The following TBC1D22A variants were observed in gnomAD, a reference collection of about 807,000 sequenced individuals.
TBC1D22A encodes the protein putative GTPase activator.
A neutral mutation model predicts 60.2 loss-of-function variants in TBC1D22A; 38 were observed. That is an observed-to-expected ratio of 0.63 (90% CI 0.49 to 0.83). The LOEUF (loss-of-function observed/expected upper bound fraction) is 0.83, where lower values mean the gene tolerates loss of function less well. Ranked by LOEUF, TBC1D22A falls within the 40% of genes least tolerant of loss-of-function variation. The probability of loss-of-function intolerance (pLI) is 0.00; values close to 1 mark genes in which losing one functional copy is unlikely to be tolerated. For synonymous variants in TBC1D22A, 302 were observed against 281.7 expected (o/e 1.07, Z -0.72); for missense variants, 628 against 701.0 (o/e 0.90, Z 1.18).
intron 8 of TBC1D22A, among the ~76,000 whole-genome samples, chr22:46,949,176 C>G (rs550612076): frequency 1.2e-4 from 19 of 152,116 alleles, no homozygotes; most frequent in African/African-American, 4.6e-4. Context: ...TTTTTGAGTC[C>G]TGTCTTCACA....
At chr22:47,145,180 CT>C (rs2067244439) in intron 12 of TBC1D22A, among the ~76,000 whole-genome samples, 1 of 152,228 alleles carries the variant, frequency 6.6e-6, no homozygotes, top group African/African-American at 2.4e-5. Flanking sequence ...AGACCTAGCC[CT>C]GGATCCCCAC....
intron 4 of TBC1D22A, among the ~76,000 whole-genome samples, chr22:46,846,961 C>T (rs767169775): frequency 9.9e-5 from 15 of 152,198 alleles, no homozygotes; most frequent in Non-Finnish European, 1.8e-4. Flanking sequence ...CTGGTGCCGT[C>T]GAGAGACTGT....
chr22:46,768,968 T>C (rs809034), intron 1 of TBC1D22A, among the ~76,000 whole-genome samples: 104,747 of 151,538 alleles, frequency 0.69, 36,473 homozygotes, highest in Middle Eastern at 0.79. Context: ...GTGGCAGGCA[T>C]CTATAATCCC....
intron 11 of TBC1D22A, among the ~76,000 whole-genome samples, chr22:47,077,485 T>A (rs2064272014): frequency 6.6e-6 from 1 of 152,218 alleles, no homozygotes; most frequent in Non-Finnish European, 1.5e-5. Flanking sequence ...CCCGCCCTAT[T>A]GGAAGTGGTT....
At chr22:46,853,013 G>T (rs1486654387) in intron 4 of TBC1D22A, among the ~76,000 whole-genome samples, 1 of 152,220 alleles carries the variant, frequency 6.6e-6, no homozygotes, top group East Asian at 1.9e-4. Flanking sequence ...TGCTGCTTCT[G>T]TTGGGAGCAC....
rs1279652456 is a variant in TBC1D22A, at chr22:46,777,417, A to T, written c.62+14569A>T. Among the ~76,000 whole-genome samples the T allele has an allele frequency of 6.6e-6, 1 of 152,008 alleles. No homozygotes were observed. The highest frequency in any genetic ancestry group is 1.5e-5 in the Non-Finnish European group (1 of 67,990). ...AGGAGTGGCCGGTGGGGCACAGCTG[A>T]TTTTTTGGGGGAACCCGTTGACGTG... On this transcript the variant is annotated intron_variant, in intron 1 of 12. Coordinates refer to ENST00000337137, the MANE Select transcript of TBC1D22A (RefSeq NM_014346.5). This position sits in a 1 kb window ranked among gnomAD's most constrained non-coding sequence, Gnocchi z 4.5.
rs10549216 is a variant in TBC1D22A at position 47,083,348 on chromosome 22, G to GACAC, written c.1330-28129_1330-28126dup. ...TGTTGAAATCTAGAAATACTTAGAA[G>GACAC]ACACACACACACACACACACACACA... On this transcript the variant is annotated intron_variant, in intron 11 of 12. Coordinates refer to ENST00000337137, the MANE Select transcript of TBC1D22A (RefSeq NM_014346.5). Among the ~76,000 whole-genome samples, 1,197 of 148,652 alleles carry GACAC rather than the reference G, an allele frequency of 8.1e-3. 15 individuals carry two copies. Among genetic ancestry groups the GACAC allele is most frequent in the East Asian group, 0.011 (54 of 5,056 alleles).
chr22:46,783,601 T>A (rs1194987107), intron 1 of TBC1D22A, among the ~76,000 whole-genome samples: 2 of 147,124 alleles, frequency 1.4e-5, no homozygotes, highest in African/African-American at 2.5e-5. Context: ...GTTTTTTTTT[T>A]ACCACTCATG....
At chr22:46,943,982 T>A (rs1452363560) in intron 8 of TBC1D22A, among the ~76,000 whole-genome samples, 3 of 152,258 alleles carry the variant, frequency 2.0e-5, no homozygotes, top group Admixed American at 1.3e-4. Context: ...TTTGCACTTC[T>A]GGCTATTATG....
intron 11 of TBC1D22A, among the ~76,000 whole-genome samples, chr22:47,063,129 C>G (rs4489): frequency 0.27 from 40,292 of 151,848 alleles, 5,939 homozygotes; most frequent in East Asian, 0.57. Context: ...AAGGAGGAGT[C>G]TAGGCCAAGG....
At chr22:47,123,154 A>C (rs1601586780) in intron 12 of TBC1D22A, among the ~76,000 whole-genome samples, 1 of 152,138 alleles carries the variant, frequency 6.6e-6, no homozygotes, top group African/African-American at 2.4e-5. Flanking sequence ...AGGTGGGTGG[A>C]ATCGCTTTGC....
intron 4 of TBC1D22A, among the ~76,000 whole-genome samples, chr22:46,846,927 T>C (rs1209014771): frequency 6.6e-6 from 1 of 152,108 alleles, no homozygotes; most frequent in Non-Finnish European, 1.5e-5. Context: ...ACAAAACAAC[T>C]CCTGCGGTTT....
intron 10 of TBC1D22A, among the ~76,000 whole-genome samples, chr22:47,003,425 C>T (rs1037716059): frequency 7.3e-5 from 11 of 150,530 alleles, no homozygotes; most frequent in African/African-American, 1.7e-4. Flanking sequence ...ACATACCCTA[C>T]GCACACATGC....
intron 5 of TBC1D22A, among the ~76,000 whole-genome samples, chr22:46,880,901 C>G (rs972060747): frequency 1.3e-5 from 2 of 152,122 alleles, no homozygotes; most frequent in African/African-American, 4.8e-5. Flanking sequence ...GGGAGCAAAG[C>G]TTGTCGTTGC....
intron 12 of TBC1D22A, among the ~76,000 whole-genome samples, chr22:47,165,681 G>A (rs1015057772): frequency 2.0e-5 from 3 of 152,144 alleles, no homozygotes; most frequent in South Asian, 4.1e-4. Flanking sequence ...CGCTCCTCAG[G>A]TTCCTCACCT....
At chr22:46,825,885 CT>C (rs139593) in intron 4 of TBC1D22A, among the ~76,000 whole-genome samples, 275 of 141,628 alleles carry the variant, frequency 1.9e-3, no homozygotes, top group Non-Finnish European at 2.0e-3. Context: ...TGGTGGTCTT[CT>C]TTTTTTTTTT....
At chr22:47,089,416 G>A (rs187593885) in intron 11 of TBC1D22A, among the ~76,000 whole-genome samples, 2 of 152,354 alleles carry the variant, frequency 1.3e-5, no homozygotes, top group East Asian at 3.9e-4. Context: ...GATGGATGCA[G>A]GGCTGTCTTT....
At chr22:47,056,463 C>A (rs2063396412) in intron 11 of TBC1D22A, among the ~76,000 whole-genome samples, 1 of 151,976 alleles carries the variant, frequency 6.6e-6, no homozygotes. Flanking sequence ...GATGAGGCCA[C>A]CCCCCTTCCT....
chr22:47,042,665 T>C (rs1225718973), intron 11 of TBC1D22A, among the ~76,000 whole-genome samples: 2 of 152,140 alleles, frequency 1.3e-5, no homozygotes, highest in African/African-American at 4.8e-5. Flanking sequence ...CCTCCAAGCA[T>C]GTTGAATGCC....
Sources: allele counts gnomAD v4.1 joint callset (sites outside exome capture counted in the v4.1 genomes callset), GRCh38; gene constraint gnomAD v4.1.1; non-coding constraint Gnocchi (gnomAD v3.1); transcripts MANE v1.5; gene names NCBI Gene and HGNC (gene_info 2026-07-23, HGNC 2026-07-21).